SYT1: variants seen among roughly 807,000 people sequenced by gnomAD.
SYT1 encodes synaptotagmin 1.
Under a neutral mutation model 44.8 loss-of-function variants are expected in SYT1, and 8 were observed. The ratio of observed to expected loss-of-function variants is 0.18; its 90% CI spans 0.10 to 0.32. SYT1 has a LOEUF of 0.32. Ranked by LOEUF, SYT1 falls within the 10% of genes least tolerant of loss-of-function variation. The pLI, the probability that SYT1 is intolerant of heterozygous loss-of-function variation, is 1.00. For missense variants in SYT1, 286 were observed against 509.3 expected, an observed-to-expected ratio of 0.56 and a Z score of 4.22; for synonymous variants, 154 against 188.8, an observed-to-expected ratio of 0.82 and a Z score of 1.51.
At chr12:79,259,503 A>C (rs1227007937) in intron 4 of SYT1, among the ~76,000 whole-genome samples, 2 of 152,152 alleles carry the variant, frequency 1.3e-5, no homozygotes, top group Non-Finnish European at 2.9e-5. Flanking sequence ...GGAAGCAAAG[A>C]CTGGAGAATG....
intron 1 of SYT1, among the ~76,000 whole-genome samples, chr12:78,870,260 C>G (rs1338515395): frequency 2.0e-5 from 3 of 152,042 alleles, no homozygotes; most frequent in Admixed American, 2.0e-4. Context: ...CTAAGTGCCT[C>G]AGTTAGAAAT....
chr12:78,934,302 C>T (rs916023649), intron 1 of SYT1, among the ~76,000 whole-genome samples: 2 of 151,930 alleles, frequency 1.3e-5, no homozygotes, highest in African/African-American at 4.8e-5. Flanking sequence ...GGGTGAATCA[C>T]TTGAGTCAAG....
chr12:79,260,199 C>T (rs1452010062), intron 4 of SYT1, among the ~76,000 whole-genome samples: 1 of 152,128 alleles, frequency 6.6e-6, no homozygotes, highest in African/African-American at 2.4e-5. Context: ...TGTTGTTGTT[C>T]TGTGGCCCCT....
At chr12:78,870,355 T>A (rs753944646) in intron 1 of SYT1, among the ~76,000 whole-genome samples, 10 of 152,136 alleles carry the variant, frequency 6.6e-5, no homozygotes, top group Non-Finnish European at 1.2e-4. Context: ...AACCTATTTC[T>A]GTACTTGTGA....
Position 79,353,409 on chromosome 12 carries a change from A to G in SYT1, c.811-93A>G, listed in dbSNP as rs577954852. The G allele has an allele frequency of 2.5e-5, 25 of 986,756 alleles. No homozygotes were observed. The African/African-American group carries it at 2.7e-4, about 11-fold the overall frequency. The allele number at this position is 986,756 out of a possible 1,614,324, so 61.1% of individuals were successfully genotyped here. On this transcript the variant is annotated intron_variant, in intron 8 of 10. Transcript: ENST00000261205. ...ACAATTTTCAAATTCTAATCAACAT[A>G]ATCCTCCTCTTGAAGAATTTACAAT...
At chr12:79,025,324 A>G (rs947445995) in intron 2 of SYT1, among the ~76,000 whole-genome samples, 1 of 151,464 alleles carries the variant, frequency 6.6e-6, no homozygotes, top group South Asian at 2.1e-4. Context: ...TGACTTTAAA[A>G]CTCTTAAACT....
At chr12:79,257,645 C>A (rs1245836) in intron 4 of SYT1, among the ~76,000 whole-genome samples, 35 of 152,098 alleles carry the variant, frequency 2.3e-4, no homozygotes, top group African/African-American at 8.0e-4. Flanking sequence ...CCGCCACAAC[C>A]CCCGGCTGAT....
chr12:79,375,670 A>G (rs1039190246), intron 9 of SYT1, among the ~76,000 whole-genome samples: 1 of 152,170 alleles, frequency 6.6e-6, no homozygotes, highest in African/African-American at 2.4e-5. Flanking sequence ...GCTCTTTGTT[A>G]TTCTCTATTC....
At chr12:79,052,950 G>A (rs982666214) in intron 3 of SYT1, among the ~76,000 whole-genome samples, 4 of 152,122 alleles carry the variant, frequency 2.6e-5, no homozygotes, top group Non-Finnish European at 4.4e-5. Context: ...TCAGTGTGGT[G>A]ATTCCTCAGG....
intron 10 of SYT1, among the ~76,000 whole-genome samples, chr12:79,445,257 A>G (rs1870643223): frequency 6.6e-6 from 1 of 152,114 alleles, no homozygotes; most frequent in East Asian, 1.9e-4. Flanking sequence ...TTGTAATCAA[A>G]TCAGAGTAGT....
chr12:79,024,238 G>A (rs759247268), intron 2 of SYT1, among the ~76,000 whole-genome samples: 1 of 151,710 alleles, frequency 6.6e-6, no homozygotes, highest in Non-Finnish European at 1.5e-5. Context: ...GCTGGGTAAT[G>A]GGATTGAGAG....
chr12:79,338,348 G>A (rs1209156217), intron 8 of SYT1, among the ~76,000 whole-genome samples: 1 of 149,656 alleles, frequency 6.7e-6, no homozygotes, highest in Non-Finnish European at 1.5e-5. Context: ...ACAAATCATA[G>A]CTCACTGCAG....
chr12:78,865,526 G>T (rs2137025450), intron 1 of SYT1, among the ~76,000 whole-genome samples: 1 of 149,084 alleles, frequency 6.7e-6, no homozygotes, highest in African/African-American at 2.5e-5. Flanking sequence ...GGGGAGTGAA[G>T]AAAGGAGAAA....
At chr12:79,002,734 C>T (rs2137536383) in intron 2 of SYT1, among the ~76,000 whole-genome samples, 1 of 152,058 alleles carries the variant, frequency 6.6e-6, no homozygotes, top group Admixed American at 6.6e-5. Flanking sequence ...CACTGAGTCA[C>T]TCCATTGGGA....
At chr12:79,132,906 T>C (rs759898569) in intron 3 of SYT1, among the ~76,000 whole-genome samples, 31 of 152,112 alleles carry the variant, frequency 2.0e-4, no homozygotes, top group South Asian at 4.1e-4. Flanking sequence ...TGAAATACTA[T>C]ATAGCCATAA....
intron 8 of SYT1, among the ~76,000 whole-genome samples, chr12:79,311,446 G>GGA (rs1285909928): frequency 7.3e-6 from 1 of 137,174 alleles, no homozygotes; most frequent in Admixed American, 7.6e-5. Flanking sequence ...CAACCATTGT[G>GGA]GAAGTCAGTG....
chr12:79,179,472 G>T (rs1465830005), intron 3 of SYT1, among the ~76,000 whole-genome samples: 2 of 21,264 alleles, frequency 9.4e-5, no homozygotes, highest in East Asian at 7.7e-4. Context: ...TATAGATATA[G>T]ATATAGAGAT....
chr12:79,411,556 T>C lies in SYT1; in HGVS notation c.929-32517T>C, dbSNP rs571532180. Among the ~76,000 whole-genome samples the C allele has an allele frequency of 2.0e-5, 3 of 152,312 alleles. No individual in the cohort carries two copies. In the East Asian group the frequency reaches 5.8e-4, roughly 29 times the overall value. On this transcript the variant is annotated intron_variant, in intron 9 of 10. Transcript: ENST00000261205. ...ACAGTGACTTAGCTTTCCATGCATA[T>C]TCATATTTATTTATATAAATCAAAC...
At chr12:79,063,631 A>G (rs1247627894) in intron 3 of SYT1, among the ~76,000 whole-genome samples, 3 of 152,184 alleles carry the variant, frequency 2.0e-5, no homozygotes, top group African/African-American at 7.2e-5. Context: ...GGTAATAAGT[A>G]CATTTCTGCC....
Sources: allele counts gnomAD v4.1 joint callset (sites outside exome capture counted in the v4.1 genomes callset), GRCh38; gene constraint gnomAD v4.1.1; transcripts MANE v1.5; gene names NCBI Gene and HGNC (gene_info 2026-07-23, HGNC 2026-07-21).